ZRANB3: variants seen among roughly 807,000 people sequenced by gnomAD.
The protein encoded by ZRANB3 is zinc finger RANBP2-type containing 3.
Under a neutral mutation model 133.8 loss-of-function variants are expected in ZRANB3, and 125 were observed. That is an observed-to-expected ratio of 0.93 (90% CI 0.81 to 1.08). ZRANB3 has a LOEUF of 1.08. Ranked by LOEUF, ZRANB3 falls within the 50% of genes least tolerant of loss-of-function variation. The pLI, the probability that ZRANB3 is intolerant of heterozygous loss-of-function variation, is 0.00. For synonymous variants in ZRANB3, 387 were observed against 432.7 expected (o/e 0.89, Z 1.31); for missense variants, 1,229 against 1,275.5 (o/e 0.96, Z 0.56).
chr2:135,511,107 G>A (rs1693433477), intron 1 of ZRANB3: 2 of 768,156 alleles, frequency 2.6e-6, no homozygotes, highest in Non-Finnish European at 4.8e-6. Flanking sequence ...GGGCTGTGAA[G>A]CTAGTACTTT....
intron 12 of ZRANB3, among the ~76,000 whole-genome samples, chr2:135,235,433 T>G (rs1049145971): frequency 6.6e-6 from 1 of 152,162 alleles, no homozygotes; most frequent in Non-Finnish European, 1.5e-5. Context: ...CCTAACTCAC[T>G]TTATGAGGCC....
intron 3 of ZRANB3, among the ~76,000 whole-genome samples, chr2:135,360,976 T>C (rs1685668769): frequency 6.6e-6 from 1 of 152,116 alleles, no homozygotes; most frequent in Admixed American, 6.6e-5. Context: ...TGGGGGGGTC[T>C]CACTTTGTTG....
chr2:135,480,091 G>C (rs1031698917), intron 2 of ZRANB3, among the ~76,000 whole-genome samples: 2 of 148,820 alleles, frequency 1.3e-5, no homozygotes, highest in Non-Finnish European at 1.5e-5. Context: ...CCGCCACCAT[G>C]TCAGGCTAAT....
Position 135,271,958 on chromosome 2 carries a change from C to T in ZRANB3, c.1087-71G>A, listed in dbSNP as rs533035872. The stretch of plus-strand genomic sequence containing the variant: ...TACCCATCTCATTTTATATATTTTA[C>T]AGCTTATTTTTATGGTCACATAACA... On this transcript the variant is annotated intron_variant, in intron 9 of 20. Transcript: ENST00000264159. The T allele has an allele frequency of 5.9e-5, 82 of 1,388,512 alleles. 1 individual carries two copies. The South Asian group carries it at 1.5e-3, about 26-fold the overall frequency. 86.0% of individuals were successfully genotyped at this position (1,388,512 alleles called of 1,614,324 possible).
rs540622413 is a variant in ZRANB3, at chr2:135,405,097, T to C, written c.162-14277A>G. Among the ~76,000 whole-genome samples, 21 of 152,168 alleles carry C rather than the reference T, an allele frequency of 1.4e-4. No homozygotes were observed. In the South Asian group the frequency reaches 4.4e-3, roughly 32 times the overall value. On this transcript the variant is annotated intron_variant, in intron 2 of 20. Transcript: ENST00000264159. ...CCCATCTTACGTGCAGAGACACACATAGGCTCAAAATAAAGGGATGGAGGA... is the reference window on the plus strand; with the variant it reads ...CCCATCTTACGTGCAGAGACACACACAGGCTCAAAATAAAGGGATGGAGGA...
intron 14 of ZRANB3, among the ~76,000 whole-genome samples, chr2:135,225,135 C>G (rs1293141981): frequency 6.6e-6 from 1 of 152,130 alleles, no homozygotes; most frequent in Non-Finnish European, 1.5e-5. Flanking sequence ...ATACAATGTG[C>G]CAGGCACTGT....
At chr2:135,373,816 G>A in intron 3 of ZRANB3, among the ~76,000 whole-genome samples, 1 of 114,932 alleles carries the variant, frequency 8.7e-6, no homozygotes, top group Non-Finnish European at 1.9e-5. Context: ...GAGGGGAGGG[G>A]ACGGGAGGGG....
intron 1 of ZRANB3, among the ~76,000 whole-genome samples, chr2:135,518,119 C>T (rs1216003155): frequency 1.3e-5 from 2 of 152,130 alleles, no homozygotes; most frequent in East Asian, 3.9e-4. Flanking sequence ...CTACCAAGCT[C>T]GACCGTCCCA....
chr2:135,385,656 C>T (rs1015199794), intron 3 of ZRANB3, among the ~76,000 whole-genome samples: 5 of 152,082 alleles, frequency 3.3e-5, no homozygotes, highest in Admixed American at 2.0e-4. Context: ...AGCAATAGAT[C>T]GGGAACAGAG....
rs1002380479 is a variant in ZRANB3 at position 135,526,113 on chromosome 2, T to C, written c.-8+5014A>G. ...GCAAGATGAAAAAGTTCTAGATAGCTATTGCACAAGGTACATTTAATTGTA... is the reference window on the plus strand; with the variant it reads ...GCAAGATGAAAAAGTTCTAGATAGCCATTGCACAAGGTACATTTAATTGTA... On this transcript the variant is annotated intron_variant, in intron 1 of 20. Transcript: ENST00000264159. Among the ~76,000 whole-genome samples, 11 of 151,868 alleles carry C rather than the reference T, an allele frequency of 7.2e-5. No individual in the cohort carries two copies. In the South Asian group the frequency reaches 1.2e-3, roughly 17 times the overall value.
chr2:135,530,945 C>T (rs1694560275), intron 1 of ZRANB3, among the ~76,000 whole-genome samples, 182 bp downstream of exon 1: 1 of 152,170 alleles, frequency 6.6e-6, no homozygotes, highest in African/African-American at 2.4e-5. Context: ...AGCAATCACC[C>T]CGCCCTCCGC....
intron 2 of ZRANB3, among the ~76,000 whole-genome samples, chr2:135,453,782 C>T (rs1377411479): frequency 1.3e-5 from 2 of 152,212 alleles, no homozygotes; most frequent in African/African-American, 4.8e-5. Flanking sequence ...AACTTTCCCA[C>T]ATTTTCCTGT....
chr2:135,511,598 G>C, intron 1 of ZRANB3: 1 of 833,432 alleles, frequency 1.2e-6, no homozygotes, highest in South Asian at 1.3e-5. Flanking sequence ...GACCCCTCAG[G>C]AGCAAGTACG....
Position 135,315,358 on chromosome 2 carries a change from C to T in ZRANB3, c.849+1G>A. On this transcript the variant is annotated splice_donor_variant, in intron 7 of 20. Coordinates refer to ENST00000264159, the MANE Select transcript of ZRANB3 (RefSeq NM_032143.4). LOFTEE classifies it high-confidence loss of function. Reference sequence around the variant, plus strand: ...ACTTTAAATCAAGCAACGGTTCTCACCTTGGCAGCTGCTGATGGAAGATCA... The same window carrying T: ...ACTTTAAATCAAGCAACGGTTCTCATCTTGGCAGCTGCTGATGGAAGATCA... 1.3e-6 allele frequency: 2 copies of T among 1,554,768 alleles called. No homozygotes were observed. Among genetic ancestry groups the T allele is most frequent in the East Asian group, 2.3e-5 (1 of 42,734 alleles).
intron 5 of ZRANB3, among the ~76,000 whole-genome samples, chr2:135,346,251 C>G (rs1181995096): frequency 6.6e-6 from 1 of 152,130 alleles, no homozygotes. Context: ...CGCCCACCAC[C>G]ATGCCCGGCT....
At chr2:135,434,783 T>G (rs556593721) in intron 2 of ZRANB3, among the ~76,000 whole-genome samples, 1 of 152,300 alleles carries the variant, frequency 6.6e-6, no homozygotes, top group South Asian at 2.1e-4. Flanking sequence ...AAGGTGCACA[T>G]TATATATGCA....
chr2:135,324,521 G>A (rs545393975), intron 6 of ZRANB3, among the ~76,000 whole-genome samples: 5 of 152,260 alleles, frequency 3.3e-5, no homozygotes, highest in African/African-American at 1.2e-4. Context: ...TTGCTATTGT[G>A]AATAGTGCCG....
At chr2:135,290,890 T>C (rs777459623) in intron 8 of ZRANB3, among the ~76,000 whole-genome samples, 8 of 152,176 alleles carry the variant, frequency 5.3e-5, no homozygotes, top group Non-Finnish European at 7.3e-5. Context: ...CGAAATAAGT[T>C]TTCCAAACTT....
intron 2 of ZRANB3, among the ~76,000 whole-genome samples, chr2:135,476,691 CTT>C (rs774332012): frequency 1.5e-4 from 20 of 135,536 alleles, no homozygotes; most frequent in African/African-American, 5.1e-4. Flanking sequence ...ATTTCTTTTC[CTT>C]TTTTTTTTTT....
Sources: gnomAD v4.1 joint callset for allele counts (sites outside exome capture counted in the v4.1 genomes callset) on GRCh38, gnomAD v4.1.1 for gene constraint, MANE v1.5 for transcripts, NCBI Gene and HGNC (gene_info 2026-07-23, HGNC 2026-07-21) for gene names.